The following SMIM41 variants were observed in gnomAD, a reference collection of about 807,000 sequenced individuals.
The protein encoded by SMIM41 is small integral membrane protein 41.
intron 2 of SMIM41, among the ~76,000 whole-genome samples, chr12:52,100,416 C>T (rs1299110133): frequency 3.3e-5 from 5 of 151,526 alleles, no homozygotes; most frequent in Non-Finnish European, 5.9e-5. Flanking sequence ...ACAATATCAT[C>T]GGGGTGAACA....
intron 1 of SMIM41, among the ~76,000 whole-genome samples, chr12:52,082,718 G>T (rs1416965316): frequency 1.3e-5 from 2 of 152,218 alleles, no homozygotes; most frequent in Non-Finnish European, 2.9e-5. Context: ...GATGGGTTCA[G>T]ATCTTGCCCT....
intron 2 of SMIM41, among the ~76,000 whole-genome samples, chr12:52,089,012 C>A (rs188203948): frequency 6.6e-6 from 1 of 151,764 alleles, no homozygotes; most frequent in Non-Finnish European, 1.5e-5. Flanking sequence ...CTCATCCAGC[C>A]GCCGCTGCTT....
At chr12:52,095,211 C>T (rs934573881) in intron 2 of SMIM41, among the ~76,000 whole-genome samples, 6 of 151,976 alleles carry the variant, frequency 3.9e-5, no homozygotes, top group Admixed American at 6.5e-5. Context: ...GTCTCCCCAC[C>T]GCTGGATATT....
intron 2 of SMIM41, among the ~76,000 whole-genome samples, chr12:52,105,071 TCCAGACACATGGCATTTGG>T (rs1940306710): frequency 6.6e-6 from 1 of 152,230 alleles, no homozygotes; most frequent in South Asian, 2.1e-4. Context: ...GCAGCCTAAG[TCCAGACACATGGCATTTGG>T]CCAGTCCTCT....
chr12:52,099,448 C>A (rs989567748), intron 2 of SMIM41, among the ~76,000 whole-genome samples: 1 of 151,542 alleles, frequency 6.6e-6, no homozygotes, highest in Non-Finnish European at 1.5e-5. Context: ...GGTGTAAAAC[C>A]CCCTGTGATA....
At position 52,107,611 on chromosome 12, in the gene SMIM41, A is replaced by T. The variant is rs569444938; in HGVS notation, c.*428A>T. 1 of 625,030 alleles carries T rather than the reference A, an allele frequency of 1.6e-6. No homozygotes were observed. Among genetic ancestry groups the T allele is most frequent in the South Asian group, 1.4e-5 (1 of 71,094 alleles). 38.7% of individuals were successfully genotyped at this position (625,030 alleles called of 1,614,324 possible). A position where few individuals can be genotyped will look rare whatever the true frequency, so the allele number is the denominator to read the frequency against. On this transcript the variant is annotated 3_prime_UTR_variant, in exon 3 of 3. Transcript: ENST00000546390. Reference sequence around the variant, plus strand: ...CAGTCTCGCAGCAGAGTCATCTCCTATGCAGGCTGCCTGACTCAGAAGTCT... The same window carrying T: ...CAGTCTCGCAGCAGAGTCATCTCCTTTGCAGGCTGCCTGACTCAGAAGTCT...
intron 2 of SMIM41, among the ~76,000 whole-genome samples, chr12:52,101,374 C>T (rs538972462): frequency 2.0e-5 from 3 of 152,074 alleles, no homozygotes; most frequent in Non-Finnish European, 2.9e-5. Context: ...GCAGTGAGCC[C>T]GGATTGTGCC....
chr12:52,104,916 A>G (rs902372921), intron 2 of SMIM41, among the ~76,000 whole-genome samples: 15 of 150,852 alleles, frequency 9.9e-5, no homozygotes, highest in Non-Finnish European at 2.1e-4. Context: ...TGGTCTATGC[A>G]GCTTGTTTCA....
At chr12:52,096,175 C>T (rs955742053) in intron 2 of SMIM41, among the ~76,000 whole-genome samples, 2 of 151,888 alleles carry the variant, frequency 1.3e-5, no homozygotes, top group African/African-American at 4.8e-5. Context: ...GTAATATCAC[C>T]CTCTCCCCCT....
At chr12:52,085,691 G>A (rs147444553) in intron 2 of SMIM41, among the ~76,000 whole-genome samples, 1 of 90,010 alleles carries the variant, frequency 1.1e-5, no homozygotes, top group Non-Finnish European at 3.0e-5. Flanking sequence ...ACAGTACTAC[G>A]CTGAGAGTAT....
At chr12:52,097,961 C>T (rs1940131209) in intron 2 of SMIM41, among the ~76,000 whole-genome samples, 2 of 151,296 alleles carry the variant, frequency 1.3e-5, no homozygotes, top group Non-Finnish European at 2.9e-5. Flanking sequence ...CCCCCGCCCC[C>T]GGATATTAGA....
At chr12:52,085,243 C>T (rs1489988739) in intron 2 of SMIM41, among the ~76,000 whole-genome samples, 11 of 152,178 alleles carry the variant, frequency 7.2e-5, no homozygotes, top group African/African-American at 1.9e-4. Context: ...CCCCTCCTCT[C>T]GTAGCTCTGC....
At chr12:52,107,338 C>A (rs1374180917) in intron 2 of SMIM41, 41 bp from the exon 3 acceptor site, 42 of 486,592 alleles carry the variant, frequency 8.6e-5, no homozygotes, top group Non-Finnish European at 1.3e-4. Context: ...ACTATACAGA[C>A]CCACAGAATC....
intron 2 of SMIM41, among the ~76,000 whole-genome samples, chr12:52,103,512 A>C (rs1273654262): frequency 6.6e-6 from 1 of 151,982 alleles, no homozygotes; most frequent in African/African-American, 2.4e-5. Flanking sequence ...TAACCCCAGC[A>C]CTTTGGAAGG....
chr12:52,106,909 G>A lies in SMIM41; in HGVS notation c.*196-470G>A, dbSNP rs112569395. On this transcript the variant is annotated intron_variant, in intron 2 of 2. Coordinates refer to ENST00000546390, the MANE Select transcript of SMIM41 (RefSeq NM_001369216.1). Reference sequence around the variant, plus strand: ...TAAATGTTCTAAATCAAGGAAATTTGTATCAATCTATTAGAATAAAAAATA... The same window carrying A: ...TAAATGTTCTAAATCAAGGAAATTTATATCAATCTATTAGAATAAAAAATA... Among the ~76,000 whole-genome samples, 1,454 of 152,280 alleles carry A rather than the reference G, an allele frequency of 9.5e-3. 34 individuals carry two copies. The highest frequency in any genetic ancestry group is 0.032 in the African/African-American group (1,345 of 41,552).
At chr12:52,087,329 C>G (rs927666042) in intron 2 of SMIM41, among the ~76,000 whole-genome samples, 1 of 152,214 alleles carries the variant, frequency 6.6e-6, no homozygotes, top group Non-Finnish European at 1.5e-5. Context: ...CACCCACTGC[C>G]GCCTCCGGTT....
At chr12:52,080,955 G>T (rs1939810176) in intron 1 of SMIM41, among the ~76,000 whole-genome samples, 2 of 152,026 alleles carry the variant, frequency 1.3e-5, no homozygotes, top group South Asian at 2.1e-4. Flanking sequence ...GGTGTGGATG[G>T]CAGGGTTCCC....
In SMIM41 at chr12:52,100,526, G is replaced by A. The variant is rs142000108; in HGVS notation, c.*196-6853G>A. On this transcript the variant is annotated intron_variant, in intron 2 of 2. Transcript: ENST00000546390. ...GGCTGGAGTGCAATGGCACAATCTC[G>A]GCTCACTGCAACCTCTGCCTCCCGT... 6.2e-3 allele frequency among the ~76,000 whole-genome samples: 942 copies of A among 151,424 alleles called. 13 individuals carry two copies. Among genetic ancestry groups the A allele is most frequent in the African/African-American group, 0.021 (872 of 41,246 alleles).
chr12:52,101,381 T>C (rs1940214212), intron 2 of SMIM41, among the ~76,000 whole-genome samples: 1 of 152,142 alleles, frequency 6.6e-6, no homozygotes, highest in African/African-American at 2.4e-5. Flanking sequence ...GCCCGGATTG[T>C]GCCTGTATAC....
Sources: allele counts gnomAD v4.1 joint callset (sites outside exome capture counted in the v4.1 genomes callset), GRCh38; gene constraint gnomAD v4.1.1; transcripts MANE v1.5; gene names NCBI Gene and HGNC (gene_info 2026-07-23, HGNC 2026-07-21).